KIF24: variants seen among roughly 807,000 people sequenced by gnomAD.
KIF24 encodes kinesin family member 24, also known as kinesin-like protein KIF24.
In KIF24, 81 loss-of-function variants were observed where a neutral mutation model predicts 118.9. That is an observed-to-expected ratio of 0.68 (90% CI 0.57 to 0.82). KIF24 has a LOEUF of 0.82. Among genes scored for constraint, KIF24 ranks in the 40% least tolerant of loss-of-function variants. The probability of loss-of-function intolerance (pLI) is 0.00; values close to 1 mark genes in which losing one functional copy is unlikely to be tolerated. For missense variants in KIF24, 1,560 were observed against 1,661.6 expected (o/e 0.94, Z 1.06); for synonymous variants, 599 against 610.0 (o/e 0.98, Z 0.27).
At chr9:34,299,050 A>C (rs970031082) in intron 3 of KIF24, among the ~76,000 whole-genome samples, 7 of 152,104 alleles carry the variant, frequency 4.6e-5, no homozygotes, top group Non-Finnish European at 8.8e-5. Context: ...ATATGTATGA[A>C]TATATATCAT....
In KIF24 at chr9:34,327,838, T is replaced by TAAAAA. The variant is rs371382729; in HGVS notation, c.-26+1263_-26+1267dup. 5.2e-3 allele frequency among the ~76,000 whole-genome samples: 639 copies of TAAAAA among 123,010 alleles called. 4 individuals are homozygous for TAAAAA. The highest frequency in any genetic ancestry group is 8.7e-3 in the Non-Finnish European group (481 of 55,392). The allele number at this position is 123,010 out of a possible 152,430, so 80.7% of individuals were successfully genotyped here. A position where few individuals can be genotyped will look rare whatever the true frequency, so the allele number is the denominator to read the frequency against. ...TGACAGAGCAAGACATTTTCTCTAA[T>TAAAAA]AAAAAAAAAATAATAATAATAATAA... On this transcript the variant is annotated intron_variant, in intron 1 of 12. Coordinates refer to ENST00000402558, the MANE Select transcript of KIF24 (RefSeq NM_194313.4).
intron 1 of KIF24, among the ~76,000 whole-genome samples, chr9:34,316,016 A>T (rs1458395182): frequency 2.6e-5 from 4 of 151,066 alleles, no homozygotes; most frequent in South Asian, 4.2e-4. Context: ...GTGACAGAGC[A>T]AGACTCTGTC....
rs1834841297 is a variant in KIF24 at position 34,256,375 on chromosome 9, G to A, written c.3232C>T (p.His1078Tyr). The change falls in exon 11 of 13, where the codon CAC becomes TAC. Residue 1078 changes from histidine to tyrosine, a missense_variant. Transcript: ENST00000402558. ...SEQLVQDGAT[H>Y]SLVAESTGGP... is the part of the protein sequence containing the mutation. ...CCTGTGCTCTCTGCCACTAGACTGT[G>A]CGTAGCCCCATCCTGGACCAGCTGC... The A allele has an allele frequency of 1.2e-6, 2 of 1,613,772 alleles. No homozygotes were observed. Among genetic ancestry groups the A allele is most frequent in the Admixed American group, 1.7e-5 (1 of 59,998 alleles).
intron 1 of KIF24, among the ~76,000 whole-genome samples, chr9:34,320,051 T>G (rs1370659761): frequency 6.6e-6 from 1 of 151,946 alleles, no homozygotes; most frequent in Admixed American, 6.6e-5. Flanking sequence ...CTCAGCCACC[T>G]CCCCAGCTCT....
chr9:34,286,096 G>T (rs1359698552), intron 6 of KIF24, among the ~76,000 whole-genome samples: 2 of 151,966 alleles, frequency 1.3e-5, no homozygotes, highest in Admixed American at 6.6e-5. Context: ...CACTTTGGGA[G>T]GTCGAGGCGG....
At chr9:34,289,525 C>T (rs1194027358) in intron 5 of KIF24, among the ~76,000 whole-genome samples, 4 of 152,178 alleles carry the variant, frequency 2.6e-5, no homozygotes, top group African/African-American at 9.7e-5. Flanking sequence ...TCCCTCTAAC[C>T]TCTATTCTCC....
chr9:34,290,232 T>G lies in KIF24; in HGVS notation c.1069A>C (p.Ile357Leu), dbSNP rs74671532. The G allele has an allele frequency of 1.4e-5, 22 of 1,613,932 alleles. No individual in the cohort carries two copies. In the East Asian group the frequency reaches 4.9e-4, roughly 36 times the overall value. Residue 357 changes from isoleucine to leucine, a missense_variant, in exon 5 of 13, where the codon ATC becomes CTC. Coordinates refer to ENST00000402558, the MANE Select transcript of KIF24 (RefSeq NM_194313.4). The part of the protein sequence containing the change: ...SQPRKHLFVW[I>L]SFYEIYCGQL... Reference sequence around the variant, plus strand: ...CCACAGTAAATTTCATAGAAGCTGATCCACACAAAGAGGTGCTTTCTTGGC... The same window carrying G: ...CCACAGTAAATTTCATAGAAGCTGAGCCACACAAAGAGGTGCTTTCTTGGC...
At chr9:34,286,572 C>T in intron 6 of KIF24, 45 bp downstream of exon 6, 2 of 1,362,834 alleles carry the variant, frequency 1.5e-6, no homozygotes, top group Non-Finnish European at 2.1e-6. Flanking sequence ...GTTCCCTGTA[C>T]TTACACTGTT....
chr9:34,259,127 C>T (rs1013312716), intron 10 of KIF24, among the ~76,000 whole-genome samples: 1 of 152,182 alleles, frequency 6.6e-6, no homozygotes, highest in African/African-American at 2.4e-5. Context: ...AAGATCCTAC[C>T]CTTCTCTGGA....
chr9:34,292,816 A>G (rs1836306091), intron 4 of KIF24, among the ~76,000 whole-genome samples: 1 of 152,212 alleles, frequency 6.6e-6, no homozygotes, highest in African/African-American at 2.4e-5. Context: ...AAAAATTTGA[A>G]CACACTAAGG....
intron 7 of KIF24, among the ~76,000 whole-genome samples, chr9:34,271,393 C>CATCA (rs1470105135): frequency 6.6e-6 from 1 of 151,182 alleles, no homozygotes; most frequent in Non-Finnish European, 1.5e-5. Context: ...TAGGCTCATC[C>CATCA]ATCAGTGTGG....
At chr9:34,291,405 C>A (rs750033891) in intron 4 of KIF24, among the ~76,000 whole-genome samples, 2 of 152,208 alleles carry the variant, frequency 1.3e-5, no homozygotes, top group African/African-American at 4.8e-5. Context: ...TGACCTTAGG[C>A]AAGTCCCTTC....
At chr9:34,296,768 A>G (rs1189032523) in intron 4 of KIF24, among the ~76,000 whole-genome samples, 1 of 151,958 alleles carries the variant, frequency 6.6e-6, no homozygotes, top group Non-Finnish European at 1.5e-5. Flanking sequence ...CTATCACAAT[A>G]TATTTTTCCA....
intron 12 of KIF24, among the ~76,000 whole-genome samples, chr9:34,254,827 G>A (rs1176388973): frequency 6.6e-6 from 1 of 152,174 alleles, no homozygotes; most frequent in Non-Finnish European, 1.5e-5. Flanking sequence ...GGAAGGCAGA[G>A]CAGCTGAGGA....
chr9:34,286,496 T>C, intron 6 of KIF24, 121 bp downstream of exon 6: 1 of 659,452 alleles, frequency 1.5e-6, no homozygotes, highest in Non-Finnish European at 2.7e-6. Context: ...TGGGAAGTGG[T>C]GGGCTTGTCA....
chr9:34,262,272 G>A (rs1225035872), intron 9 of KIF24, among the ~76,000 whole-genome samples: 1 of 151,986 alleles, frequency 6.6e-6, no homozygotes, highest in Non-Finnish European at 1.5e-5. Context: ...GTGGTGACCA[G>A]AACAGCACTG....
Position 34,256,882 on chromosome 9 carries a change from T to G in KIF24, c.2725A>C (p.Ser909Arg), listed in dbSNP as rs1400664481. 1.2e-6 allele frequency: 2 copies of G among 1,614,010 alleles called. No homozygotes were observed. Among genetic ancestry groups the G allele is most frequent in the Non-Finnish European group, 1.7e-6 (2 of 1,179,884 alleles). ...INHRRAALDH[S>R]CSPSKGPVDW... ...ACGGGCCCCTTACTTGGGCTGCAGC[T>G]GTGATCGAGTGCTGCTCTTCTGTGG... The change falls in exon 11 of 13, where the codon AGC becomes CGC. Residue 909 changes from serine to arginine, a missense_variant. By Grantham distance (110) the Ser-to-Arg change is moderately radical (BLOSUM62 -1). Coordinates refer to ENST00000402558, the MANE Select transcript of KIF24 (RefSeq NM_194313.4).
chr9:34,295,707 T>A (rs1836443200), intron 4 of KIF24, among the ~76,000 whole-genome samples: 1 of 151,500 alleles, frequency 6.6e-6, no homozygotes, highest in Non-Finnish European at 1.5e-5. Flanking sequence ...AAATAAATAT[T>A]TTTTGGTGTG....
intron 9 of KIF24, among the ~76,000 whole-genome samples, chr9:34,262,548 T>A (rs1835095200): frequency 6.8e-6 from 1 of 147,000 alleles, no homozygotes; most frequent in African/African-American, 2.6e-5. Flanking sequence ...GGCTTATGCC[T>A]GTAATCCCAG....
Sources: gnomAD v4.1 joint callset for allele counts (sites outside exome capture counted in the v4.1 genomes callset) on GRCh38, gnomAD v4.1.1 for gene constraint, MANE v1.5 for transcripts, NCBI Gene and HGNC (gene_info 2026-07-23, HGNC 2026-07-21) for gene names.